Variants in AMBRA1 observed in about 807,000 individuals in gnomAD.
AMBRA1 encodes the protein autophagy and beclin 1 regulator 1.
In AMBRA1, 47 loss-of-function variants were observed where a neutral mutation model predicts 125.4. The ratio of observed to expected loss-of-function variants is 0.37; its 90% CI spans 0.30 to 0.48. The LOEUF is 0.48. AMBRA1 is among the 20% of genes least tolerant of loss of function. AMBRA1 has a pLI of 0.99. For missense variants in AMBRA1, 1,331 were observed against 1,693.4 expected (o/e 0.79, Z 3.76); for synonymous variants, 626 against 655.5 (o/e 0.95, Z 0.69).
intron 12 of AMBRA1, among the ~76,000 whole-genome samples, chr11:46,439,911 C>T (rs556837891): frequency 2.4e-4 from 37 of 151,232 alleles, no homozygotes; most frequent in Admixed American, 8.6e-4. Flanking sequence ...TGCCCACATA[C>T]TACTTTTTTT....
intron 3 of AMBRA1, 131 bp from the exon 4 acceptor site, chr11:46,547,427 T>C (rs2042860077): frequency 2.6e-6 from 2 of 775,714 alleles, no homozygotes; most frequent in Non-Finnish European, 4.0e-6. Context: ...CTTTGTATGT[T>C]AGGCAGTATA....
intron 17 of AMBRA1, among the ~76,000 whole-genome samples, chr11:46,405,170 G>C (rs1350506941): frequency 6.6e-6 from 1 of 152,186 alleles, no homozygotes; most frequent in Non-Finnish European, 1.5e-5. Flanking sequence ...TACTTCACCT[G>C]ACTCCTATTC....
chr11:46,400,432 T>TG (rs1170160298), intron 17 of AMBRA1, among the ~76,000 whole-genome samples: 1 of 150,546 alleles, frequency 6.6e-6, no homozygotes, highest in Non-Finnish European at 1.5e-5. Context: ...TCACCCTTCT[T>TG]GTTGGTACTT....
intron 15 of AMBRA1, among the ~76,000 whole-genome samples, chr11:46,417,240 C>T (rs1431044780): frequency 3.9e-5 from 6 of 152,082 alleles, no homozygotes; most frequent in Non-Finnish European, 2.9e-5. Context: ...TTAGTAGAGA[C>T]GGGGTTTTAC....
In AMBRA1 at chr11:46,410,295, T is replaced by G; in HGVS notation, c.3190A>C (p.Arg1064=). The stretch of plus-strand genomic sequence containing the variant: ...ACATACCCAGGCCGCTCGCTGCTCC[T>G]GCTGTTGGAATGGACAGTGAAGACC... ...ETVFTVHSNS[R]SSERPGTSRA... is the part of the protein sequence containing the mutation. Residue 1064 remains arginine (R), a synonymous_variant, in exon 16 of 18, where the codon AGG becomes CGG. Transcript: ENST00000683756. The G allele has an allele frequency of 6.2e-7, 1 of 1,613,898 alleles. No individual in the cohort carries two copies. The highest frequency in any genetic ancestry group is 8.5e-7 in the Non-Finnish European group (1 of 1,179,888).
intron 11 of AMBRA1, among the ~76,000 whole-genome samples, chr11:46,491,572 A>G (rs1262554595): frequency 6.6e-6 from 1 of 152,264 alleles, no homozygotes; most frequent in East Asian, 1.9e-4. Flanking sequence ...ACATCAAAAT[A>G]TCAACGAATG....
chr11:46,574,461 C>T (rs1479351126), intron 1 of AMBRA1, among the ~76,000 whole-genome samples: 1 of 151,280 alleles, frequency 6.6e-6, no homozygotes, highest in Non-Finnish European at 1.5e-5. Context: ...GCATAAATGT[C>T]TTCTTTTCAG....
intron 12 of AMBRA1, among the ~76,000 whole-genome samples, chr11:46,439,935 G>C (rs1947919717): frequency 6.6e-6 from 1 of 151,606 alleles, no homozygotes; most frequent in Non-Finnish European, 1.5e-5. Flanking sequence ...TAACATATCA[G>C]ATTTGCAAAT....
intron 1 of AMBRA1, among the ~76,000 whole-genome samples, chr11:46,585,681 A>ATATAT: frequency 2.9e-5 from 1 of 34,126 alleles, no homozygotes; most frequent in Non-Finnish European, 6.8e-5. Flanking sequence ...AAAAAAAAAA[A>ATATAT]AAAAAAAAAA....
At chr11:46,450,445 T>C (rs917860597) in intron 11 of AMBRA1, among the ~76,000 whole-genome samples, 31 of 152,032 alleles carry the variant, frequency 2.0e-4, no homozygotes, top group African/African-American at 5.3e-4. Context: ...ATTTTTTTTT[T>C]TTTTCTTTTC....
chr11:46,470,276 A>C (rs1482474228), intron 11 of AMBRA1, among the ~76,000 whole-genome samples: 2 of 151,994 alleles, frequency 1.3e-5, no homozygotes, highest in African/African-American at 4.8e-5. Flanking sequence ...CCCCATATCT[A>C]CAAAAAATTT....
chr11:46,536,869 A>C (rs936908978), intron 7 of AMBRA1, among the ~76,000 whole-genome samples: 3 of 152,236 alleles, frequency 2.0e-5, no homozygotes, highest in African/African-American at 7.2e-5. Context: ...CCGTCAATGT[A>C]CTTCCCCAGT....
intron 11 of AMBRA1, among the ~76,000 whole-genome samples, chr11:46,492,670 G>C (rs1010703869): frequency 6.6e-6 from 1 of 152,172 alleles, no homozygotes; most frequent in African/African-American, 2.4e-5. Flanking sequence ...AGACTGACCA[G>C]AAGCAATAGC....
At chr11:46,505,619 G>A (rs1276113873) in intron 9 of AMBRA1, among the ~76,000 whole-genome samples, 1 of 150,492 alleles carries the variant, frequency 6.6e-6, no homozygotes, top group Non-Finnish European at 1.5e-5. Context: ...CAGTAAGTCA[G>A]TGCATGAAAG....
intron 11 of AMBRA1, among the ~76,000 whole-genome samples, chr11:46,486,399 G>A (rs962661026): frequency 6.6e-6 from 1 of 152,214 alleles, no homozygotes; most frequent in Non-Finnish European, 1.5e-5. Flanking sequence ...TTCAAGTGAA[G>A]ATCTGCTATA....
chr11:46,586,596 T>C (rs1447988576), intron 1 of AMBRA1, among the ~76,000 whole-genome samples: 2 of 152,182 alleles, frequency 1.3e-5, no homozygotes, highest in Non-Finnish European at 2.9e-5. Context: ...TAAGAATCAT[T>C]ATCATGTGTT....
At chr11:46,544,345 C>T (rs1171279069) in intron 5 of AMBRA1, among the ~76,000 whole-genome samples, 1 of 152,190 alleles carries the variant, frequency 6.6e-6, no homozygotes, top group East Asian at 1.9e-4. Context: ...TTCATCCTAA[C>T]CGTAAAGCAT....
chr11:46,578,051 G>A (rs187088042), intron 1 of AMBRA1, among the ~76,000 whole-genome samples: 15 of 152,064 alleles, frequency 9.9e-5, no homozygotes, highest in Middle Eastern at 3.4e-3. Context: ...GAAAGCTTGA[G>A]TTCAAGGCTA....
At position 46,428,892 on chromosome 11, in the gene AMBRA1, G is replaced by C. The variant is rs547829504; in HGVS notation, c.2976+4582C>G. On this transcript the variant is annotated intron_variant, in intron 14 of 17. Transcript: ENST00000683756. Reference sequence around the variant, plus strand: ...CGTAGGATGGCAGGCACAATCTCTGGGGGCAGATGAAGGTAATCACGGAGA... The same window carrying C: ...CGTAGGATGGCAGGCACAATCTCTGCGGGCAGATGAAGGTAATCACGGAGA... 1.1e-5 allele frequency: 17 copies of C among 1,611,808 alleles called. No individual in the cohort carries two copies. In the East Asian group the frequency reaches 3.3e-4, roughly 32 times the overall value.
Sources: gnomAD v4.1 joint callset for allele counts (sites outside exome capture counted in the v4.1 genomes callset) on GRCh38, gnomAD v4.1.1 for gene constraint, MANE v1.5 for transcripts, NCBI Gene and HGNC (gene_info 2026-07-23, HGNC 2026-07-21) for gene names.